Variants in AFAP1 observed in about 807,000 individuals in gnomAD.
AFAP1 encodes actin filament associated protein 1.
Under a neutral mutation model 93.9 loss-of-function variants are expected in AFAP1, and 75 were observed. The observed-to-expected ratio is 0.80, with a 90% CI of 0.66 to 0.97. The LOEUF (loss-of-function observed/expected upper bound fraction) is 0.97. Among genes scored for constraint, AFAP1 ranks in the 50% least tolerant of loss-of-function variants. AFAP1 has a pLI of 0.00. For missense variants in AFAP1, 1,201 were observed against 1,050.8 expected, an observed-to-expected ratio of 1.14 and a Z score of -1.98; for synonymous variants, 517 against 430.7, an observed-to-expected ratio of 1.20 and a Z score of -2.48.
At chr4:7,802,539 A>C (rs1230969781) in intron 9 of AFAP1, among the ~76,000 whole-genome samples, 1 of 152,206 alleles carries the variant, frequency 6.6e-6, no homozygotes, top group Non-Finnish European at 1.5e-5. Flanking sequence ...TAAAGACGGC[A>C]GATAAAGAGC....
intron 16 of AFAP1, chr4:7,772,414 C>G (rs547011789): frequency 6.2e-6 from 1 of 162,464 alleles, no homozygotes; most frequent in African/African-American, 2.4e-5. Context: ...TAAGAGGACA[C>G]AGACTGCTTC....
chr4:7,837,929 G>A (rs1049172000), intron 6 of AFAP1, among the ~76,000 whole-genome samples: 6 of 152,228 alleles, frequency 3.9e-5, no homozygotes, highest in Admixed American at 2.6e-4. Context: ...TGGGAGGATC[G>A]ATTGAGCCCA....
At chr4:7,872,494 G>A (rs2149184863) in intron 1 of AFAP1, among the ~76,000 whole-genome samples, 1 of 152,354 alleles carries the variant, frequency 6.6e-6, no homozygotes, top group East Asian at 1.9e-4. Context: ...CCAGCTCTCT[G>A]CTTTTGCAAA....
intron 6 of AFAP1, among the ~76,000 whole-genome samples, chr4:7,824,482 G>A (rs765397838): frequency 6.6e-6 from 1 of 151,970 alleles, no homozygotes; most frequent in Non-Finnish European, 1.5e-5. Flanking sequence ...CACTAGTAAT[G>A]GAAATTGGAG....
intron 1 of AFAP1, among the ~76,000 whole-genome samples, chr4:7,877,523 TA>T (rs946053062): frequency 1.4e-4 from 21 of 152,206 alleles, no homozygotes; most frequent in Non-Finnish European, 2.6e-4. Flanking sequence ...AGGAGGCACG[TA>T]CTGTTATTAT....
intron 3 of AFAP1, among the ~76,000 whole-genome samples, chr4:7,857,876 G>A (rs1385462793): frequency 6.7e-6 from 1 of 148,936 alleles, no homozygotes; most frequent in Non-Finnish European, 1.5e-5. Context: ...ATGGGGTTCT[G>A]AGCAGACACT....
At position 7,939,204 on chromosome 4, in the gene AFAP1, AC is replaced by A; in HGVS notation, c.-3+451del. On this transcript the variant is annotated intron_variant, in intron 1 of 17. Coordinates refer to ENST00000420658, the MANE Select transcript of AFAP1 (RefSeq NM_001134647.2). This position sits in a 1 kb window ranked among gnomAD's most constrained non-coding sequence, Gnocchi z 5.6. The stretch of plus-strand genomic sequence containing the variant: ...AAAGAGCCCCCATCCAGAGTCACGG[AC>A]CCCCTCGTCCGAGGGTCCGCGCAGT... 4.5e-6 allele frequency: 1 copy of A among 222,026 alleles called. No individual in the cohort carries two copies. The highest frequency in any genetic ancestry group is 4.4e-5 in the South Asian group (1 of 22,868). 13.8% of individuals were successfully genotyped at this position (222,026 alleles called of 1,614,324 possible).
At chr4:7,894,433 A>G (rs141085389) in intron 1 of AFAP1, among the ~76,000 whole-genome samples, 110 of 152,338 alleles carry the variant, frequency 7.2e-4, no homozygotes, top group African/African-American at 2.4e-3. Context: ...ACGCTAACAC[A>G]GAAGAAGCAT....
At chr4:7,878,824 G>A (rs1401409570) in intron 1 of AFAP1, among the ~76,000 whole-genome samples, 1 of 152,096 alleles carries the variant, frequency 6.6e-6, no homozygotes, top group African/African-American at 2.4e-5. Context: ...GAGCCAGAAT[G>A]GGAATCAGAA....
chr4:7,855,613 A>G, intron 3 of AFAP1, 39 bp from the exon 4 acceptor site: 3 of 1,484,096 alleles, frequency 2.0e-6, no homozygotes, highest in Non-Finnish European at 2.8e-6. Context: ...AATTAGCATG[A>G]CCATTAGAAG....
At chr4:7,884,903 C>T (rs1230518921) in intron 1 of AFAP1, among the ~76,000 whole-genome samples, 1 of 152,202 alleles carries the variant, frequency 6.6e-6, no homozygotes, top group Admixed American at 6.5e-5. Context: ...CCCTGCCTAG[C>T]AGTGAACTCA....
chr4:7,805,431 T>G (rs1719419487), intron 9 of AFAP1, among the ~76,000 whole-genome samples: 1 of 152,162 alleles, frequency 6.6e-6, no homozygotes, highest in Admixed American at 6.5e-5. Flanking sequence ...TTGTCTGACG[T>G]TGCATTTACT....
chr4:7,842,301 C>CAAAAAAAAAAAAAAAAAAAAAAAAAAAA (rs57050150), intron 5 of AFAP1, among the ~76,000 whole-genome samples: 2 of 94,896 alleles, frequency 2.1e-5, no homozygotes, highest in Non-Finnish European at 4.0e-5. Flanking sequence ...CCTGGATTTA[C>CAAAAAAAAAAAAAAAAAAAAAAAAAAAA]AAAAAAAAAA....
intron 6 of AFAP1, among the ~76,000 whole-genome samples, chr4:7,832,848 A>G (rs1711796347): frequency 6.6e-6 from 1 of 152,192 alleles, no homozygotes; most frequent in African/African-American, 2.4e-5. Context: ...TAGAGAACCC[A>G]AATACTTACA....
At chr4:7,873,524 A>G (rs1002646351) in intron 1 of AFAP1, among the ~76,000 whole-genome samples, 37 of 150,712 alleles carry the variant, frequency 2.5e-4, no homozygotes, top group African/African-American at 8.3e-4. Flanking sequence ...AATTTTTTGT[A>G]TTTTTAGTAG....
At position 7,778,746 on chromosome 4, in the gene AFAP1, C is replaced by A; in HGVS notation, c.1897+16G>T. 6.2e-7 allele frequency: 1 copy of A among 1,610,240 alleles called. No homozygotes were observed. Among genetic ancestry groups the A allele is most frequent in the Non-Finnish European group, 8.5e-7 (1 of 1,176,482 alleles). On this transcript the variant is annotated intron_variant, in intron 14 of 17. Transcript: ENST00000420658. ...CACTTGAAGCCGGAATGCAAGACAT[C>A]CGATGGTATACTTACTCGAACCCGT...
intron 16 of AFAP1, among the ~76,000 whole-genome samples, chr4:7,770,144 G>C (rs775081210): frequency 1.3e-5 from 2 of 152,214 alleles, no homozygotes; most frequent in Non-Finnish European, 1.5e-5. Flanking sequence ...AGGGGAAGTC[G>C]CAAAGCACAG....
intron 1 of AFAP1, among the ~76,000 whole-genome samples, chr4:7,884,624 G>T (rs534893558): frequency 6.6e-6 from 1 of 152,002 alleles, no homozygotes. Flanking sequence ...GGGACAACTG[G>T]TAACTATTTG....
rs1007628758 is a variant in AFAP1, at chr4:7,768,825, C to T, written c.2418+19G>A. 2 of 1,564,168 alleles carry T rather than the reference C, an allele frequency of 1.3e-6. No homozygotes were observed. The highest frequency in any genetic ancestry group is 1.8e-5 in the Admixed American group (1 of 56,760). ...TGCCTGCCCAGGACACCCAGACACC[C>T]CCGGACATCAGGGCTTACCTTGGCC... On this transcript the variant is annotated intron_variant, in intron 17 of 17. Transcript: ENST00000420658.
Sources: allele counts gnomAD v4.1 joint callset (sites outside exome capture counted in the v4.1 genomes callset), GRCh38; gene constraint gnomAD v4.1.1; non-coding constraint Gnocchi (gnomAD v3.1); transcripts MANE v1.5; gene names NCBI Gene and HGNC (gene_info 2026-07-23, HGNC 2026-07-21).